Variants in BAZ2B observed in about 807,000 individuals in gnomAD.
BAZ2B encodes bromodomain adjacent to zinc finger domain 2B.
Under a neutral mutation model 246.0 loss-of-function variants are expected in BAZ2B, and 91 were observed. The observed-to-expected ratio is 0.37, with a 90% confidence interval of 0.31 to 0.44. BAZ2B has a LOEUF of 0.44. Ranked by LOEUF, BAZ2B falls within the 20% of genes least tolerant of loss-of-function variation. BAZ2B has a pLI of 1.00. For missense variants in BAZ2B, 2,332 were observed against 2,533.7 expected (o/e 0.92, Z 1.71); for synonymous variants, 855 against 860.0 (o/e 0.99, Z 0.10).
At chr2:159,671,749 CT>C in the BAZ2B span, among the ~76,000 whole-genome samples, 5 of 152,176 alleles carry the variant, frequency 3.3e-5, no homozygotes, top group Non-Finnish European at 7.4e-5. Flanking sequence ...GATGCTTAAG[CT>C]AATGGCCTTT....
At chr2:159,572,653 G>T (rs1448417078) in intron 1 of BAZ2B, among the ~76,000 whole-genome samples, 4 of 152,098 alleles carry the variant, frequency 2.6e-5, no homozygotes, top group Non-Finnish European at 1.5e-5. Flanking sequence ...TTTAGAGCTA[G>T]ATTTTTGCTG....
intron 1 of BAZ2B, among the ~76,000 whole-genome samples, chr2:159,580,760 C>A (rs559584625): frequency 1.3e-4 from 20 of 152,204 alleles, no homozygotes; most frequent in African/African-American, 4.8e-4. Context: ...AGAAATAATA[C>A]TACACATCTA....
chr2:159,694,597 T>G, the BAZ2B span: 2 of 152,236 alleles, frequency 1.3e-5, no homozygotes, highest in Non-Finnish European at 2.9e-5. Context: ...TGACCTTTTA[T>G]GTTTGGTTTC....
Position 159,319,416 on chromosome 2 carries a change from T to A in BAZ2B, c.*849A>T, listed in dbSNP as rs1459527579. 2 of 152,632 alleles carry A rather than the reference T, an allele frequency of 1.3e-5. No individual in the cohort carries two copies. Among genetic ancestry groups the A allele is most frequent in the East Asian group, 3.8e-4 (2 of 5,204 alleles). 9.5% of individuals were successfully genotyped at this position (152,632 alleles called of 1,614,324 possible). On this transcript the variant is annotated 3_prime_UTR_variant, in exon 37 of 37. Transcript: ENST00000392783. The surrounding 1 kb of genome is among the most constrained non-coding windows in gnomAD (Gnocchi z 4.0). ...CCAAGATTAAGGAGACGCCACAGTG[T>A]TGGTAGAGGATAATTACTGTACAGA...
chr2:159,440,517 G>GT (rs34338793), intron 6 of BAZ2B, among the ~76,000 whole-genome samples: 1,582 of 138,956 alleles, frequency 0.011, 52 homozygotes, highest in East Asian at 0.092. Flanking sequence ...AATGACTCTT[G>GT]TTTTTTTTTT....
intron 30 of BAZ2B, among the ~76,000 whole-genome samples, chr2:159,348,275 G>A (rs2058174676): frequency 7.7e-6 from 1 of 129,872 alleles, no homozygotes; most frequent in African/African-American, 3.1e-5. Context: ...AGCTATGACT[G>A]CACCACCATT....
At chr2:159,671,842 T>C in the BAZ2B span, among the ~76,000 whole-genome samples, 4 of 152,154 alleles carry the variant, frequency 2.6e-5, no homozygotes, top group Admixed American at 1.3e-4. Flanking sequence ...AACAAATTCC[T>C]TTATAAAACA....
intron 2 of BAZ2B, among the ~76,000 whole-genome samples, chr2:159,534,733 C>T (rs936608473): frequency 3.3e-5 from 5 of 151,882 alleles, no homozygotes; most frequent in African/African-American, 4.8e-5. Context: ...CAGCCTCCCG[C>T]GTAGCTGGGA....
At chr2:159,340,745 A>G (rs542933345) in intron 31 of BAZ2B, among the ~76,000 whole-genome samples, 3 of 152,248 alleles carry the variant, frequency 2.0e-5, no homozygotes, top group Non-Finnish European at 2.9e-5. Flanking sequence ...TAGGCTAAAC[A>G]TGCAAGAAAT....
intron 1 of BAZ2B, among the ~76,000 whole-genome samples, chr2:159,593,824 A>C (rs1303003752): frequency 6.6e-6 from 1 of 152,194 alleles, no homozygotes; most frequent in Non-Finnish European, 1.5e-5. Flanking sequence ...CTCGGGGACA[A>C]GGCAGGGACT....
Position 159,325,047 on chromosome 2 carries a change from ATATATATATATAT to A in BAZ2B, c.6210-106_6210-94del, listed in dbSNP as rs2063316460. On this transcript the variant is annotated intron_variant, in intron 35 of 36. Coordinates refer to ENST00000392783, the MANE Select transcript of BAZ2B (RefSeq NM_013450.4). ...CTTTCAGTTATTATATATATATTAT[ATATATATATATAT>A]TATATATATATATATATTATATATA... The A allele has an allele frequency of 2.1e-3, 15 of 7,142 alleles. 1 individual carries two copies. Among genetic ancestry groups the A allele is most frequent in the Non-Finnish European group, 5.4e-3 (14 of 2,606 alleles). The allele number at this position is 7,142 out of a possible 1,614,324, so 0.4% of individuals were successfully genotyped here. A position where few individuals can be genotyped will look rare whatever the true frequency, so the allele number is the denominator to read the frequency against.
At chr2:159,598,497 C>T (rs1691306154) in intron 1 of BAZ2B, among the ~76,000 whole-genome samples, 1 of 152,192 alleles carries the variant, frequency 6.6e-6, no homozygotes, top group African/African-American at 2.4e-5. Flanking sequence ...GGGAATGTGT[C>T]AATGTCTTTA....
the BAZ2B span, among the ~76,000 whole-genome samples, chr2:159,633,094 A>G: frequency 1.3e-5 from 2 of 152,150 alleles, no homozygotes; most frequent in East Asian, 3.8e-4. Flanking sequence ...TGTTACATCA[A>G]TAGAATTTAT....
At chr2:159,428,244 CT>C (rs1309258542) in intron 12 of BAZ2B, 66 bp downstream of exon 12, 335 of 1,353,178 alleles carry the variant, frequency 2.5e-4, no homozygotes, top group Middle Eastern at 5.6e-4. Context: ...AAGGAGTACA[CT>C]TTTTTTTTGT....
At chr2:159,490,526 G>C (rs1208685588) in intron 2 of BAZ2B, among the ~76,000 whole-genome samples, 1 of 151,846 alleles carries the variant, frequency 6.6e-6, no homozygotes, top group South Asian at 2.1e-4. Context: ...TTGTTTGTTT[G>C]TTTGCTTTGA....
intron 1 of BAZ2B, among the ~76,000 whole-genome samples, chr2:159,581,088 G>C (rs1686652920): frequency 6.6e-6 from 1 of 152,070 alleles, no homozygotes; most frequent in South Asian, 2.1e-4. Context: ...AAACTAAAGA[G>C]CTTCTGCACA....
At position 159,475,298 on chromosome 2, in the gene BAZ2B, A is replaced by G. The variant is rs191297820; in HGVS notation, c.145+3277T>C. 5.3e-5 allele frequency among the ~76,000 whole-genome samples: 8 copies of G among 151,842 alleles called. No individual in the cohort carries two copies. The East Asian group carries it at 1.5e-3, about 29-fold the overall frequency. On this transcript the variant is annotated intron_variant, in intron 3 of 36. Coordinates refer to ENST00000392783, the MANE Select transcript of BAZ2B (RefSeq NM_013450.4). ...TCTTGTCTTCATGCTTTATTTCATT[A>G]TGTTGGTTCAATCTCTGATATCCTT...
At chr2:159,535,437 G>A (rs1042610940) in intron 2 of BAZ2B, among the ~76,000 whole-genome samples, 6 of 152,228 alleles carry the variant, frequency 3.9e-5, no homozygotes, top group Admixed American at 2.6e-4. Context: ...CAAAAGAACT[G>A]CTTGAACTCG....
At chr2:159,568,921 T>A (rs1683267844) in intron 1 of BAZ2B, among the ~76,000 whole-genome samples, 1 of 152,208 alleles carries the variant, frequency 6.6e-6, no homozygotes, top group South Asian at 2.1e-4. Context: ...CACTACTATC[T>A]TAGTACATGA....
Sources: gnomAD v4.1 joint callset for allele counts (sites outside exome capture counted in the v4.1 genomes callset) on GRCh38, gnomAD v4.1.1 for gene constraint, Gnocchi (gnomAD v3.1) non-coding constraint, MANE v1.5 for transcripts, NCBI Gene and HGNC (gene_info 2026-07-23, HGNC 2026-07-21) for gene names.